Variants in GRM1 observed in about 807,000 individuals in gnomAD.
GRM1 encodes the protein glutamate metabotropic receptor 1.
Under a neutral mutation model 90.9 loss-of-function variants are expected in GRM1, and 33 were observed. The observed-to-expected ratio is 0.36, with a 90% CI of 0.28 to 0.49. The LOEUF is 0.49. Ranked by LOEUF, GRM1 falls within the 20% of genes least tolerant of loss-of-function variation. The pLI is 0.99. For missense variants in GRM1, 1,190 were observed against 1,534.3 expected (o/e 0.78, Z 3.75); for synonymous variants, 700 against 613.2 (o/e 1.14, Z -2.09).
intron 5 of GRM1, among the ~76,000 whole-genome samples, chr6:146,368,374 G>A (rs990597531): frequency 1.3e-5 from 2 of 150,774 alleles, no homozygotes; most frequent in East Asian, 3.9e-4. Context: ...ACTTTCTCTT[G>A]CCTAATTTCT....
chr6:146,177,079 T>C (rs1398735310), intron 2 of GRM1, among the ~76,000 whole-genome samples: 1 of 152,146 alleles, frequency 6.6e-6, no homozygotes, highest in Non-Finnish European at 1.5e-5. Flanking sequence ...GCCTGAGCTT[T>C]CTTTTCTTCT....
intron 5 of GRM1, among the ~76,000 whole-genome samples, chr6:146,377,101 T>A (rs1454029105): frequency 6.6e-6 from 1 of 152,076 alleles, no homozygotes; most frequent in Non-Finnish European, 1.5e-5. Context: ...CCTTTAAACC[T>A]TTTTCCTTTA....
intron 2 of GRM1, among the ~76,000 whole-genome samples, chr6:146,237,318 T>G (rs4896862): frequency 0.21 from 31,307 of 152,012 alleles, 7,087 homozygotes; most frequent in African/African-American, 0.57. Context: ...TCTCATGCAT[T>G]TTGCTGAAAA....
intron 2 of GRM1, among the ~76,000 whole-genome samples, chr6:146,255,488 C>T (rs1781446069): frequency 6.6e-6 from 1 of 152,094 alleles, no homozygotes; most frequent in Non-Finnish European, 1.5e-5. Flanking sequence ...CTATCCTTAT[C>T]AAACCAGGGG....
At chr6:146,209,347 A>G (rs946467271) in intron 2 of GRM1, among the ~76,000 whole-genome samples, 1 of 152,118 alleles carries the variant, frequency 6.6e-6, no homozygotes, top group Non-Finnish European at 1.5e-5. Flanking sequence ...CTCGCTCCCA[A>G]AGTGTTTTAA....
intron 1 of GRM1, among the ~76,000 whole-genome samples, chr6:146,072,564 C>A (rs541505155): frequency 1.3e-5 from 2 of 152,126 alleles, no homozygotes; most frequent in East Asian, 3.9e-4. Flanking sequence ...TCTTTTTTTA[C>A]TGTATATATT....
intron 1 of GRM1, among the ~76,000 whole-genome samples, chr6:146,120,233 C>T (rs908673043): frequency 6.6e-6 from 1 of 152,132 alleles, no homozygotes; most frequent in Non-Finnish European, 1.5e-5. Context: ...CATGATTTGG[C>T]TCTCTGTTTG....
intron 1 of GRM1, among the ~76,000 whole-genome samples, chr6:146,059,931 A>C (rs1040410510): frequency 4.6e-5 from 7 of 152,188 alleles, no homozygotes; most frequent in Non-Finnish European, 1.0e-4. Context: ...GGCTTGGCTT[A>C]AGGGAATGTT....
chr6:146,294,209 G>A (rs1005679821), intron 2 of GRM1, among the ~76,000 whole-genome samples: 4 of 151,366 alleles, frequency 2.6e-5, no homozygotes, highest in Non-Finnish European at 4.4e-5. Context: ...AAAAATATAA[G>A]CATTTCTGGG....
chr6:146,139,964 TC>T, intron 1 of GRM1, among the ~76,000 whole-genome samples: 1 of 83,144 alleles, frequency 1.2e-5, no homozygotes. Context: ...CCCCTTCCCT[TC>T]CCTTCCCTCC....
chr6:146,368,289 TC>T (rs1378693421), intron 5 of GRM1, among the ~76,000 whole-genome samples: 1 of 151,750 alleles, frequency 6.6e-6, no homozygotes, highest in Non-Finnish European at 1.5e-5. Context: ...TTTAGATTTT[TC>T]TAAATAGATT....
At chr6:146,413,292 C>T (rs1218572903) in intron 7 of GRM1, among the ~76,000 whole-genome samples, 1 of 152,040 alleles carries the variant, frequency 6.6e-6, no homozygotes, top group Non-Finnish European at 1.5e-5. Flanking sequence ...TTTTCCTGGA[C>T]ATCCAAAATA....
chr6:146,357,457 T>A, intron 4 of GRM1, 69 bp from the exon 5 acceptor site: 3 of 1,264,488 alleles, frequency 2.4e-6, no homozygotes, highest in Non-Finnish European at 1.2e-6. Flanking sequence ...TATTATCTAC[T>A]TACCAACTTT....
At chr6:146,275,808 A>C (rs1409368281) in intron 2 of GRM1, among the ~76,000 whole-genome samples, 4 of 152,192 alleles carry the variant, frequency 2.6e-5, no homozygotes, top group Non-Finnish European at 5.9e-5. Flanking sequence ...ATGATACTGA[A>C]ATTCTTACTT....
intron 2 of GRM1, among the ~76,000 whole-genome samples, chr6:146,285,669 A>G (rs906873278): frequency 5.3e-5 from 8 of 152,156 alleles, no homozygotes; most frequent in Non-Finnish European, 1.0e-4. Flanking sequence ...TGATTGCACT[A>G]TATTCTATTT....
At chr6:146,193,731 C>G (rs1779012150) in intron 2 of GRM1, among the ~76,000 whole-genome samples, 1 of 152,004 alleles carries the variant, frequency 6.6e-6, no homozygotes, top group Non-Finnish European at 1.5e-5. Flanking sequence ...CATTCTAGGT[C>G]ATACGTCTAG....
intron 1 of GRM1, among the ~76,000 whole-genome samples, chr6:146,133,668 T>A (rs1776495507): frequency 6.6e-6 from 1 of 152,154 alleles, no homozygotes. Context: ...TTGATAATGA[T>A]CTAAGGATGA....
chr6:146,178,712 G>T (rs1778426787), intron 2 of GRM1, among the ~76,000 whole-genome samples: 1 of 152,166 alleles, frequency 6.6e-6, no homozygotes. Context: ...TGATATTGAT[G>T]TTGAGCATCT....
Position 146,222,697 on chromosome 6 carries a change from T to A in GRM1, c.950+63100T>A, listed in dbSNP as rs183453012. On this transcript the variant is annotated intron_variant, in intron 2 of 7. Transcript: ENST00000282753. The stretch of plus-strand genomic sequence containing the variant: ...ATACTGATTCAAATGTTAGTTTAAT[T>A]GAGAAACGCCCCCATAGATGCACCC... Among the ~76,000 whole-genome samples the A allele has an allele frequency of 3.7e-3, 562 of 152,178 alleles. 1 individual carries two copies. The highest frequency in any genetic ancestry group is 6.1e-3 in the Non-Finnish European group (412 of 67,994).
Sources: allele counts gnomAD v4.1 joint callset (sites outside exome capture counted in the v4.1 genomes callset), GRCh38; gene constraint gnomAD v4.1.1; transcripts MANE v1.5; gene names NCBI Gene and HGNC (gene_info 2026-07-23, HGNC 2026-07-21).